The following NFIA variants were observed in gnomAD, a reference collection of about 807,000 sequenced individuals.
NFIA encodes nuclear factor I A.
NFIA carries 8 observed loss-of-function variants against 62.8 expected under a neutral mutation model. The observed-to-expected ratio is 0.13, with a 90% CI of 0.07 to 0.23. NFIA has a LOEUF of 0.23. Among genes scored for constraint, NFIA ranks in the 10% least tolerant of loss-of-function variants. The pLI is 1.00. For synonymous variants in NFIA, 235 were observed against 238.1 expected (o/e 0.99, Z 0.12); for missense variants, 410 against 642.1 (o/e 0.64, Z 3.91).
intron 9 of NFIA, 60 bp from the exon 10 acceptor site, chr1:61,426,404 TG>T: frequency 9.1e-7 from 1 of 1,093,306 alleles, no homozygotes; most frequent in Non-Finnish European, 1.4e-6. Flanking sequence ...TGTGTTTTGG[TG>T]TTGTTTGTGT....
intron 2 of NFIA, among the ~76,000 whole-genome samples, chr1:61,239,705 A>G (rs948123591): frequency 3.3e-5 from 5 of 152,194 alleles, no homozygotes; most frequent in African/African-American, 9.6e-5. Flanking sequence ...CTATGTCTTT[A>G]AACACTTAAT....
chr1:61,149,081 G>A (rs1408459127), intron 2 of NFIA, among the ~76,000 whole-genome samples: 2 of 138,504 alleles, frequency 1.4e-5, no homozygotes, highest in Non-Finnish European at 3.1e-5. Context: ...TTTTGGATGA[G>A]ATATGGGTCT....
chr1:61,342,936 T>C (rs1057273160), intron 4 of NFIA, among the ~76,000 whole-genome samples: 1 of 152,220 alleles, frequency 6.6e-6, no homozygotes, highest in Non-Finnish European at 1.5e-5. Context: ...TAAATACATA[T>C]TCCATAGGGA....
chr1:61,398,002 G>A (rs993714916), intron 7 of NFIA, among the ~76,000 whole-genome samples: 2 of 152,184 alleles, frequency 1.3e-5, no homozygotes, highest in African/African-American at 2.4e-5. Context: ...GACTGTCAGG[G>A]GTCTGACTCA....
At chr1:61,091,214 A>C (rs1440350282) in intron 2 of NFIA, among the ~76,000 whole-genome samples, 1 of 152,188 alleles carries the variant, frequency 6.6e-6, no homozygotes, top group Non-Finnish European at 1.5e-5. Flanking sequence ...TGGTCATAGA[A>C]ATTAGATCTT....
At chr1:61,082,516 C>A, upstream of NFIA, 1 of 1,296,246 alleles carries the variant, frequency 7.7e-7, no homozygotes, top group Non-Finnish European at 9.8e-7. Context: ...CTTTAACACC[C>A]GCGTACAGTA....
intron 10 of NFIA, chr1:61,439,479 G>A (rs1316720513): frequency 6.6e-6 from 1 of 151,956 alleles, no homozygotes; most frequent in Non-Finnish European, 1.5e-5. Flanking sequence ...GAGTATTATG[G>A]GAAACATTGA....
intron 7 of NFIA, among the ~76,000 whole-genome samples, chr1:61,384,116 C>T (rs1310876897): frequency 1.3e-5 from 2 of 152,194 alleles, no homozygotes; most frequent in Non-Finnish European, 2.9e-5. Flanking sequence ...GAAACTCCCA[C>T]AGTAGAAGTA....
Position 61,406,566 on chromosome 1 carries a change from AT to A in NFIA, c.1260del (p.Asn420LysfsTer78). 1.3e-6 allele frequency: 1 copy of A among 785,270 alleles called. No individual in the cohort carries two copies. Among genetic ancestry groups the A allele is most frequent in the Non-Finnish European group, 1.8e-6 (1 of 551,248 alleles). 48.6% of individuals were successfully genotyped at this position (785,270 alleles called of 1,614,324 possible). Reference sequence around the variant, plus strand: ...CTGCCCCCCCCCCCCCCACAGCCCAATGGGAGCAGCCAAGGCAAGGTGCACA... The same window carrying A: ...CTGCCCCCCCCCCCCCCACAGCCCAAGGGAGCAGCCAAGGCAAGGTGCACA... The part of the protein sequence containing the change: ...QAGQVGFLNP[N>X]GSSQGKVHNP... On this transcript the variant is annotated frameshift_variant, in exon 9 of 11. Transcript: ENST00000403491. LOFTEE classifies it high-confidence loss of function.
intron 3 of NFIA, among the ~76,000 whole-genome samples, chr1:61,325,121 C>T (rs929966383): frequency 2.0e-5 from 3 of 152,200 alleles, no homozygotes; most frequent in Non-Finnish European, 2.9e-5. Context: ...ACATGTTTTG[C>T]ACTTTTTTTC....
chr1:61,299,502 A>G (rs552997022), intron 3 of NFIA, among the ~76,000 whole-genome samples: 85 of 152,308 alleles, frequency 5.6e-4, no homozygotes, highest in African/African-American at 1.9e-3. Flanking sequence ...CATTTTTGTT[A>G]AAGGGAAATC....
At chr1:61,176,989 C>A (rs1268099040) in intron 2 of NFIA, among the ~76,000 whole-genome samples, 1 of 151,930 alleles carries the variant, frequency 6.6e-6, no homozygotes, top group African/African-American at 2.4e-5. Flanking sequence ...GCCTGTAGTC[C>A]CAGCTACTCG....
intron 2 of NFIA, among the ~76,000 whole-genome samples, chr1:61,109,411 A>G (rs888153862): frequency 1.1e-4 from 17 of 152,046 alleles, no homozygotes; most frequent in African/African-American, 3.9e-4. Flanking sequence ...CACAATAATC[A>G]ATCATAGGAA....
At chr1:61,102,292 T>C (rs1646524941) in intron 2 of NFIA, among the ~76,000 whole-genome samples, 1 of 152,204 alleles carries the variant, frequency 6.6e-6, no homozygotes, top group South Asian at 2.1e-4. Context: ...CATGAGATAT[T>C]AGCAGTTCAG....
intron 10 of NFIA, among the ~76,000 whole-genome samples, chr1:61,451,091 G>A (rs1668036178): frequency 6.6e-6 from 1 of 152,162 alleles, no homozygotes; most frequent in Non-Finnish European, 1.5e-5. Context: ...CGTACGAAAT[G>A]GAAGAGATTG....
At chr1:61,261,733 A>C (rs1396340508) in intron 2 of NFIA, among the ~76,000 whole-genome samples, 1 of 152,246 alleles carries the variant, frequency 6.6e-6, no homozygotes, top group Non-Finnish European at 1.5e-5. Context: ...ACAACAAAAA[A>C]AGCAAGCTGG....
intron 2 of NFIA, among the ~76,000 whole-genome samples, chr1:61,230,584 T>C (rs1344999529): frequency 1.3e-5 from 2 of 152,218 alleles, no homozygotes; most frequent in African/African-American, 2.4e-5. Context: ...ACTCCCAGTC[T>C]TTCCCAATCA....
At chr1:61,244,627 A>G (rs550815436) in intron 2 of NFIA, among the ~76,000 whole-genome samples, 1 of 152,218 alleles carries the variant, frequency 6.6e-6, no homozygotes, top group Non-Finnish European at 1.5e-5. Context: ...AGACATTCTC[A>G]GAAGAGTATT....
chr1:61,317,045 C>A (rs1660401768), intron 3 of NFIA, among the ~76,000 whole-genome samples: 1 of 151,446 alleles, frequency 6.6e-6, no homozygotes, highest in South Asian at 2.1e-4. Context: ...AACTTTTTTT[C>A]AAAAAAATAC....
Sources: gnomAD v4.1 joint callset for allele counts (sites outside exome capture counted in the v4.1 genomes callset) on GRCh38, gnomAD v4.1.1 for gene constraint, MANE v1.5 for transcripts, NCBI Gene and HGNC (gene_info 2026-07-23, HGNC 2026-07-21) for gene names.